SCN10A: variants seen among roughly 807,000 people sequenced by gnomAD.
SCN10A encodes sodium channel protein type 10 subunit alpha.
A neutral mutation model predicts 170.7 loss-of-function variants in SCN10A; 162 were observed. The observed-to-expected ratio is 0.95, with a 90% confidence interval of 0.84 to 1.08. The LOEUF (loss-of-function observed/expected upper bound fraction) is 1.08, where lower values mean the gene tolerates loss of function less well. Among genes scored for constraint, SCN10A ranks in the 50% least tolerant of loss-of-function variants. SCN10A has a pLI of 0.00. For synonymous variants in SCN10A, 985 were observed against 904.6 expected, an observed-to-expected ratio of 1.09 and a Z score of -1.59; for missense variants, 2,527 against 2,436.9, an observed-to-expected ratio of 1.04 and a Z score of -0.78.
chr3:38,783,509 T>A (rs926639813), intron 4 of SCN10A, among the ~76,000 whole-genome samples: 4 of 152,108 alleles, frequency 2.6e-5, no homozygotes, highest in African/African-American at 9.7e-5. Context: ...TTCTTAAGAC[T>A]CATCCTTATT....
chr3:38,734,397 G>T lies in SCN10A; in HGVS notation c.2280+5118C>A, dbSNP rs528718885. 1.4e-3 allele frequency among the ~76,000 whole-genome samples: 220 copies of T among 152,202 alleles called. 1 individual carries two copies. Among genetic ancestry groups the T allele is most frequent in the Admixed American group, 5.4e-3 (82 of 15,298 alleles). On this transcript the variant is annotated intron_variant, in intron 15 of 27. Transcript: ENST00000449082. ...ACCTGGCAAGGACAATGAAAGTCAGGAAAATTATAGATCAAATATTACTCA... is the reference window on the plus strand; with the variant it reads ...ACCTGGCAAGGACAATGAAAGTCAGTAAAATTATAGATCAAATATTACTCA...
At chr3:38,702,805 G>T (rs1417626969) in intron 26 of SCN10A, among the ~76,000 whole-genome samples, 4 of 152,202 alleles carry the variant, frequency 2.6e-5, no homozygotes, top group Non-Finnish European at 5.9e-5. Flanking sequence ...ATCTTGGAAG[G>T]AGGCAGAGTG....
At chr3:38,706,526 T>A (rs1036724477) in intron 26 of SCN10A, among the ~76,000 whole-genome samples, 1 of 152,202 alleles carries the variant, frequency 6.6e-6, no homozygotes, top group Non-Finnish European at 1.5e-5. Flanking sequence ...TTCTGACACA[T>A]CAACATCTTC....
chr3:38,785,044 A>G (rs2126053174), intron 4 of SCN10A, among the ~76,000 whole-genome samples: 1 of 152,328 alleles, frequency 6.6e-6, no homozygotes, highest in Non-Finnish European at 1.5e-5. Context: ...TATTGTGAAA[A>G]TGGCCATACT....
In SCN10A at chr3:38,756,818, G is replaced by A. The variant is rs1362320697; in HGVS notation, c.1146C>T (p.Phe382=). 1 of 1,614,190 alleles carries A rather than the reference G, an allele frequency of 6.2e-7. No individual in the cohort carries two copies. Among genetic ancestry groups the A allele is most frequent in the Admixed American group, 1.7e-5 (1 of 60,022 alleles). Residue 382 remains phenylalanine (F), a synonymous_variant, in exon 10 of 28, where the codon TTC becomes TTT. Coordinates refer to ENST00000449082, the MANE Select transcript of SCN10A (RefSeq NM_006514.4). ...AGTTGACCAGGTAGAAAGATCCCAG[G>A]AAGATTACGAGCACAAAAAAGATCA... ...IYMIFFVLVI[F]LGSFYLVNLI...
intron 1 of SCN10A, among the ~76,000 whole-genome samples, chr3:38,801,701 T>C (rs557277610): frequency 6.6e-6 from 1 of 152,312 alleles, no homozygotes; most frequent in Non-Finnish European, 1.5e-5. Context: ...TCCCTACTAA[T>C]GTAGCATTTG....
intron 15 of SCN10A, among the ~76,000 whole-genome samples, chr3:38,735,817 C>T (rs150972147): frequency 6.6e-6 from 1 of 152,336 alleles, no homozygotes; most frequent in East Asian, 1.9e-4. Flanking sequence ...TCCTTTTTCC[C>T]TCCACCTTCC....
rs746690639 is a variant in SCN10A at position 38,755,795 on chromosome 3, C to T, written c.1454G>A (p.Arg485His). Residue 485 changes from arginine (R) to histidine (H), a missense_variant, in exon 11 of 28, where the codon CGC (arginine) becomes CAC (histidine). Transcript: ENST00000449082. ...CAAACCTGAGCCTCTTACCATCCTG[C>T]GCTGGTTGTAAGGATCAGAGCGGGG... The part of the protein sequence containing the change: ...KSPRSDPYNQ[R>H]RMSFLGLASG... The T allele has an allele frequency of 8.7e-6, 14 of 1,613,488 alleles. No homozygotes were observed. The highest frequency in any genetic ancestry group is 2.2e-5 in the East Asian group (1 of 44,890).
chr3:38,728,999 G>A (rs1328192469), intron 15 of SCN10A, 98 bp from the exon 16 acceptor site: 9 of 1,464,322 alleles, frequency 6.1e-6, no homozygotes, highest in Non-Finnish European at 8.2e-6. Flanking sequence ...AAAACACAAG[G>A]CCTCTCATCC....
rs571567928 is a variant in SCN10A, at chr3:38,702,222, G to C, written c.4387-113C>G. 7.3e-5 allele frequency: 83 copies of C among 1,143,264 alleles called. No homozygotes were observed. In the African/African-American group the frequency reaches 1.2e-3, roughly 16 times the overall value. 70.8% of individuals were successfully genotyped at this position (1,143,264 alleles called of 1,614,324 possible). ...TCACACTCCACATCTTAACAGAAGCGAAATACTATCCTTACCTCTTCCAAA... is the reference window on the plus strand; with the variant it reads ...TCACACTCCACATCTTAACAGAAGCCAAATACTATCCTTACCTCTTCCAAA... On this transcript the variant is annotated intron_variant, in intron 26 of 27. Coordinates refer to ENST00000449082, the MANE Select transcript of SCN10A (RefSeq NM_006514.4).
chr3:38,706,166 C>G (rs2063209111), intron 26 of SCN10A, among the ~76,000 whole-genome samples: 1 of 152,176 alleles, frequency 6.6e-6, no homozygotes, highest in Non-Finnish European at 1.5e-5. Context: ...AATACAGTGT[C>G]AAAAGTCATC....
At chr3:38,739,906 C>T (rs75864725) in intron 14 of SCN10A, among the ~76,000 whole-genome samples, 2,185 of 152,292 alleles carry the variant, frequency 0.014, 69 homozygotes, top group East Asian at 0.089. Flanking sequence ...GTGCATGCTG[C>T]AGTTTTTCCA....
At chr3:38,706,479 A>G (rs189460985) in intron 26 of SCN10A, among the ~76,000 whole-genome samples, 2 of 152,324 alleles carry the variant, frequency 1.3e-5, no homozygotes, top group Admixed American at 6.5e-5. Context: ...ACTGGAGTGG[A>G]TGGCTCAGAA....
At chr3:38,813,297 C>A (rs1487409335) in intron 1 of SCN10A, among the ~76,000 whole-genome samples, 1 of 152,182 alleles carries the variant, frequency 6.6e-6, no homozygotes, top group African/African-American at 2.4e-5. Context: ...CAATAGGACT[C>A]CCTCTTGTCA....
rs1215013454 is a variant in SCN10A, at chr3:38,772,881, A to G, written c.471-1474T>C. On this transcript the variant is annotated intron_variant, in intron 4 of 27. Transcript: ENST00000449082. The stretch of plus-strand genomic sequence containing the variant: ...AAACAAAAATATGATAGCAAAAGTA[A>G]AACACTAATAGGCGGACTTGTAAAT... Among the ~76,000 whole-genome samples the G allele has an allele frequency of 2.0e-5, 3 of 152,284 alleles. No homozygotes were observed. In the East Asian group the frequency reaches 5.8e-4, roughly 29 times the overall value.
At position 38,722,418 on chromosome 3, in the gene SCN10A, G is replaced by T; in HGVS notation, c.3353-6C>A. The stretch of plus-strand genomic sequence containing the variant: ...GGGACAGTGGCGAATGCATCCTGTG[G>T]GGAGAGGTGACTGATGGTGGGTGAT... On this transcript the variant is annotated splice_region_variant and splice_polypyrimidine_tract_variant and intron_variant, in intron 19 of 27. Transcript: ENST00000449082. 1 of 1,612,668 alleles carries T rather than the reference G, an allele frequency of 6.2e-7. No homozygotes were observed.
At chr3:38,736,962 C>CTTTTTTTTTTT (rs2063567359) in intron 15 of SCN10A, among the ~76,000 whole-genome samples, 9 of 69,250 alleles carry the variant, frequency 1.3e-4, no homozygotes, top group African/African-American at 4.7e-4. Flanking sequence ...CAGAAATGTT[C>CTTTTTTTTTTT]GTTTTTTTTT....
intron 15 of SCN10A, among the ~76,000 whole-genome samples, chr3:38,737,804 C>CTTTCTTTCTT (rs2063583783): frequency 8.9e-6 from 1 of 112,038 alleles, no homozygotes; most frequent in African/African-American, 4.4e-5. Context: ...CTTCCTCTTT[C>CTTTCTTTCTT]TTTCTTTCTT....
rs565533505 is a variant in SCN10A at position 38,738,002 on chromosome 3, C to T, written c.2280+1513G>A. Among the ~76,000 whole-genome samples the T allele has an allele frequency of 1.1e-4, 16 of 151,586 alleles. No individual in the cohort carries two copies. In the South Asian group the frequency reaches 1.3e-3, roughly 12 times the overall value. ...TCTCCCAGGCTGGAGTGCAGTGGCA[C>T]GATCATGGTGCACTGCAGCCTCCAC... On this transcript the variant is annotated intron_variant, in intron 15 of 27. Coordinates refer to ENST00000449082, the MANE Select transcript of SCN10A (RefSeq NM_006514.4).
Sources: gnomAD v4.1 joint callset for allele counts (sites outside exome capture counted in the v4.1 genomes callset) on GRCh38, gnomAD v4.1.1 for gene constraint, MANE v1.5 for transcripts, NCBI Gene and HGNC (gene_info 2026-07-23, HGNC 2026-07-21) for gene names.